Variants in SMIM35 observed in about 807,000 individuals in gnomAD.
SMIM35 encodes small integral membrane protein 35.
At chr11:118,075,120 T>G (rs569788228) in intron 1 of SMIM35, among the ~76,000 whole-genome samples, 1 of 152,314 alleles carries the variant, frequency 6.6e-6, no homozygotes, top group East Asian at 1.9e-4. Context: ...CCAAGACAAC[T>G]GAAAACGTGG....
chr11:118,013,573 G>A (rs1423681913), intron 4 of SMIM35, 175 bp downstream of exon 4: 2 of 375,330 alleles, frequency 5.3e-6, no homozygotes, highest in South Asian at 1.5e-4. Flanking sequence ...AGTGCCAGAA[G>A]CGGGTGGGGG....
At chr11:118,047,928 G>T (rs111369994) in intron 1 of SMIM35, among the ~76,000 whole-genome samples, 5 of 152,132 alleles carry the variant, frequency 3.3e-5, no homozygotes, top group Non-Finnish European at 7.3e-5. Context: ...AGCCCAGAGC[G>T]TTTCAAGGGG....
At chr11:118,084,967 T>G (rs200026632) in intron 1 of SMIM35, among the ~76,000 whole-genome samples, 1 of 152,096 alleles carries the variant, frequency 6.6e-6, no homozygotes, top group East Asian at 1.9e-4. Context: ...CCCCTCAAAC[T>G]GCAAAGACCA....
rs2058119615 is a variant in SMIM35 at position 118,005,974 on chromosome 11, T to A, written c.*436A>T. 2 of 152,378 alleles carry A rather than the reference T, an allele frequency of 1.3e-5. No individual in the cohort carries two copies. Among genetic ancestry groups the A allele is most frequent in the Non-Finnish European group, 2.9e-5 (2 of 68,122 alleles). The allele number at this position is 152,378 out of a possible 1,614,324, so 9.4% of individuals were successfully genotyped here. ...CCGACTGTATGGGCTGTCATGGGGATGTGCACAGGGGTCGATGGCGTGTGG... is the reference window on the plus strand; with the variant it reads ...CCGACTGTATGGGCTGTCATGGGGAAGTGCACAGGGGTCGATGGCGTGTGG... On this transcript the variant is annotated 3_prime_UTR_variant, in exon 5 of 5. Coordinates refer to ENST00000689828, the MANE Select transcript of SMIM35 (RefSeq NM_001394165.1).
intron 4 of SMIM35, among the ~76,000 whole-genome samples, chr11:118,013,361 C>T (rs1281609284): frequency 6.6e-6 from 1 of 152,206 alleles, no homozygotes; most frequent in Non-Finnish European, 1.5e-5. Flanking sequence ...GCAGGGGAGG[C>T]TCCTGGGCTC....
At chr11:118,052,793 C>T (rs1389535526) in intron 1 of SMIM35, among the ~76,000 whole-genome samples, 2 of 152,124 alleles carry the variant, frequency 1.3e-5, no homozygotes, top group East Asian at 1.9e-4. Context: ...GCTCACCCTC[C>T]GAGACCCACA....
At chr11:118,031,012 T>G (rs776947827) in intron 1 of SMIM35, among the ~76,000 whole-genome samples, 1 of 152,032 alleles carries the variant, frequency 6.6e-6, no homozygotes, top group Non-Finnish European at 1.5e-5. Context: ...TACTGATCAA[T>G]CAATATCAAT....
intron 4 of SMIM35, among the ~76,000 whole-genome samples, chr11:118,013,031 G>A (rs2058158299): frequency 6.6e-6 from 1 of 152,180 alleles, no homozygotes; most frequent in Non-Finnish European, 1.5e-5. Context: ...GATTCCTCCT[G>A]AGGAATGGTG....
chr11:118,020,442 A>G (rs927301355), intron 1 of SMIM35, among the ~76,000 whole-genome samples: 1 of 152,226 alleles, frequency 6.6e-6, no homozygotes, highest in Non-Finnish European at 1.5e-5. Flanking sequence ...TTTGATTGAG[A>G]TAACAGTAAA....
intron 1 of SMIM35, among the ~76,000 whole-genome samples, chr11:118,042,949 C>G (rs887074281): frequency 1.3e-5 from 2 of 152,230 alleles, no homozygotes; most frequent in Non-Finnish European, 2.9e-5. Context: ...AAATCAAACA[C>G]TCTTTCATGA....
intron 1 of SMIM35, among the ~76,000 whole-genome samples, chr11:118,050,092 G>C (rs1944185081): frequency 6.6e-6 from 1 of 152,162 alleles, no homozygotes; most frequent in Admixed American, 6.5e-5. Context: ...AGTGTGTGCT[G>C]GAGCCCCAGC....
intron 1 of SMIM35, among the ~76,000 whole-genome samples, chr11:118,056,371 A>C (rs1366949505): frequency 2.0e-5 from 3 of 152,072 alleles, no homozygotes; most frequent in African/African-American, 7.2e-5. Context: ...TGGAGGTAGT[A>C]AGTTAGGGAG....
intron 1 of SMIM35, among the ~76,000 whole-genome samples, chr11:118,052,147 G>A (rs1944227163): frequency 6.6e-6 from 1 of 152,140 alleles, no homozygotes; most frequent in East Asian, 1.9e-4. Context: ...CGGGTAGCGG[G>A]TGCTCTTTGC....
At chr11:118,056,934 G>C (rs1944320710) in intron 1 of SMIM35, among the ~76,000 whole-genome samples, 1 of 152,190 alleles carries the variant, frequency 6.6e-6, no homozygotes. Flanking sequence ...GGAGGTGCAA[G>C]GAGGTGGTGA....
intron 1 of SMIM35, among the ~76,000 whole-genome samples, chr11:118,075,424 T>G (rs1166874089): frequency 6.6e-6 from 1 of 152,210 alleles, no homozygotes; most frequent in Non-Finnish European, 1.5e-5. Flanking sequence ...TTCCTCCTGC[T>G]CAGACATCAC....
At chr11:118,068,943 G>A (rs1409573826) in intron 1 of SMIM35, among the ~76,000 whole-genome samples, 2 of 152,180 alleles carry the variant, frequency 1.3e-5, no homozygotes, top group Non-Finnish European at 2.9e-5. Flanking sequence ...ATTTGGCAAG[G>A]CCTAACCACG....
chr11:118,010,904 TG>T (rs1290135819), intron 4 of SMIM35, among the ~76,000 whole-genome samples: 2 of 152,232 alleles, frequency 1.3e-5, no homozygotes, highest in Non-Finnish European at 2.9e-5. Context: ...TGCTATGATC[TG>T]GGTCCCAGCC....
intron 1 of SMIM35, among the ~76,000 whole-genome samples, chr11:118,069,115 C>A (rs1591310128): frequency 6.6e-6 from 1 of 152,340 alleles, no homozygotes; most frequent in African/African-American, 2.4e-5. Context: ...TGAATGCCAG[C>A]ACCCCAGCAT....
intron 1 of SMIM35, among the ~76,000 whole-genome samples, chr11:118,074,475 G>A (rs963718829): frequency 5.3e-5 from 8 of 152,064 alleles, no homozygotes; most frequent in African/African-American, 1.4e-4. Flanking sequence ...GGCCGGGTGC[G>A]GTGGCTCACA....
Sources: allele counts gnomAD v4.1 joint callset (sites outside exome capture counted in the v4.1 genomes callset), GRCh38; gene constraint gnomAD v4.1.1; transcripts MANE v1.5; gene names NCBI Gene and HGNC (gene_info 2026-07-23, HGNC 2026-07-21).